PHC1: variants seen among roughly 807,000 people sequenced by gnomAD.
PHC1 encodes polyhomeotic homolog 1.
PHC1 carries 12 observed loss-of-function variants against 104.3 expected under a neutral mutation model. The observed-to-expected ratio is 0.12, with a 90% CI of 0.07 to 0.19. The LOEUF (loss-of-function observed/expected upper bound fraction) is 0.19. PHC1 is among the 10% of genes least tolerant of loss of function. The pLI, the probability that PHC1 is intolerant of heterozygous loss-of-function variation, is 1.00. For missense variants in PHC1, 671 were observed against 1,200.0 expected (o/e 0.56, Z 6.51); for synonymous variants, 302 against 455.8 (o/e 0.66, Z 4.30).
rs1259781394 is a variant in PHC1, at chr12:8,934,373, T to C, written c.2148T>C (p.Ser716=). 6.2e-7 allele frequency: 1 copy of C among 1,613,194 alleles called. No individual in the cohort carries two copies. The highest frequency in any genetic ancestry group is 8.5e-7 in the Non-Finnish European group (1 of 1,179,132). The change falls in exon 10 of 15, where the codon TCT becomes TCC. Residue 716 remains serine, a synonymous_variant. Coordinates refer to ENST00000544916, the MANE Select transcript of PHC1 (RefSeq NM_004426.3). ...SVPPPTLAMV[S]RQMGDSKPPQ... ...CGCCTCCTACACTAGCCATGGTGTCTAGACAAATGGGTGACTCAAAACCCC... is the reference window on the plus strand; with the variant it reads ...CGCCTCCTACACTAGCCATGGTGTCCAGACAAATGGGTGACTCAAAACCCC...
At chr12:8,931,917 T>A (rs1013046357) in intron 7 of PHC1, among the ~76,000 whole-genome samples, 1 of 152,196 alleles carries the variant, frequency 6.6e-6, no homozygotes, top group Non-Finnish European at 1.5e-5. Context: ...CATGCTTTGA[T>A]CTCTGGACAA....
At chr12:8,925,951 T>G (rs1945500708) in intron 6 of PHC1, among the ~76,000 whole-genome samples, 1 of 152,052 alleles carries the variant, frequency 6.6e-6, no homozygotes, top group Non-Finnish European at 1.5e-5. Flanking sequence ...GGGGTAGCAA[T>G]GGAGATGGAC....
chr12:8,917,331 A>G (rs1424777665), intron 1 of PHC1, among the ~76,000 whole-genome samples: 1 of 152,214 alleles, frequency 6.6e-6, no homozygotes, highest in Non-Finnish European at 1.5e-5. Flanking sequence ...ATGTAAGGTA[A>G]CTTTGGTATT....
In PHC1 at chr12:8,937,334, G is replaced by C. The variant is rs1023945701; in HGVS notation, c.2628+8G>C. The C allele has an allele frequency of 6.3e-7, 1 of 1,597,830 alleles. No individual in the cohort carries two copies. Among genetic ancestry groups the C allele is most frequent in the Non-Finnish European group, 8.5e-7 (1 of 1,172,798 alleles). On this transcript the variant is annotated splice_region_variant and intron_variant, in intron 13 of 14. Transcript: ENST00000544916. ...CAGGGCAAGTGCCACCGGGTGAGCT[G>C]CTTGTTGTAGAGCCAGATGCCTTTA...
chr12:8,917,538 T>C, intron 1 of PHC1, 92 bp from the exon 2 acceptor site: 1 of 486,926 alleles, frequency 2.1e-6, no homozygotes, highest in Non-Finnish European at 3.7e-6. Flanking sequence ...GATTCTTAGA[T>C]ACTTATGGAT....
intron 6 of PHC1, among the ~76,000 whole-genome samples, chr12:8,925,561 G>T (rs976859917): frequency 6.6e-6 from 1 of 152,138 alleles, no homozygotes; most frequent in Non-Finnish European, 1.5e-5. Flanking sequence ...ATAAGAATGT[G>T]GAAGGAGAGT....
chr12:8,915,693 A>ATT (rs55868126), intron 1 of PHC1: 2 of 152,052 alleles, frequency 1.3e-5, no homozygotes, highest in African/African-American at 2.4e-5. Flanking sequence ...TGTTGTCTCC[A>ATT]TTTTTTATAT....
chr12:8,939,281 A>G lies in PHC1; in HGVS notation c.2861-24A>G, dbSNP rs746603048. 3.1e-6 allele frequency: 5 copies of G among 1,614,024 alleles called. No homozygotes were observed. In the South Asian group the frequency reaches 3.3e-5, roughly 11 times the overall value. On this transcript the variant is annotated intron_variant, in intron 14 of 14. Transcript: ENST00000544916. Reference sequence around the variant, plus strand: ...CTTCTCCTATCATCTGGCATTACCTACATGTTCTCACCATTTCTTCTAGGC... The same window carrying G: ...CTTCTCCTATCATCTGGCATTACCTGCATGTTCTCACCATTTCTTCTAGGC...
rs1212367110 is a variant in PHC1, at chr12:8,920,949, T to A, written c.226-36T>A. 2.7e-6 allele frequency: 4 copies of A among 1,462,178 alleles called. No homozygotes were observed. In the African/African-American group the frequency reaches 5.6e-5, roughly 21 times the overall value. 90.6% of individuals were successfully genotyped at this position (1,462,178 alleles called of 1,614,324 possible). A position where few individuals can be genotyped will look rare whatever the true frequency, so the allele number is the denominator to read the frequency against. On this transcript the variant is annotated intron_variant, in intron 3 of 14. Transcript: ENST00000544916. Reference sequence around the variant, plus strand: ...AGACTGAGAGCTTTTTCCTTCACTGTCTTTGCTATTTCTTGTTTCCCTTCC... The same window carrying A: ...AGACTGAGAGCTTTTTCCTTCACTGACTTTGCTATTTCTTGTTTCCCTTCC...
chr12:8,923,278 T>C (rs1565514595), intron 6 of PHC1, among the ~76,000 whole-genome samples: 2 of 152,228 alleles, frequency 1.3e-5, no homozygotes, highest in African/African-American at 4.8e-5. Context: ...GTAAAGGTCT[T>C]CCTCACCATT....
chr12:8,917,496 A>G (rs886196796), intron 1 of PHC1, 134 bp from the exon 2 acceptor site: 4 of 440,680 alleles, frequency 9.1e-6, no homozygotes, highest in Non-Finnish European at 1.6e-5. Context: ...GAGTTTTAAG[A>G]TGAGAAATCA....
chr12:8,934,635 G>C (rs1592209619), intron 10 of PHC1, among the ~76,000 whole-genome samples, 157 bp downstream of exon 10: 1 of 152,194 alleles, frequency 6.6e-6, no homozygotes, highest in Non-Finnish European at 1.5e-5. Flanking sequence ...AGGGAAAAGA[G>C]TGTGTGGACC....
At chr12:8,922,407 G>C (rs1489845532) in intron 5 of PHC1, among the ~76,000 whole-genome samples, 1 of 151,970 alleles carries the variant, frequency 6.6e-6, no homozygotes, top group South Asian at 2.1e-4. Context: ...TTTCTTTGAC[G>C]TGTGACTCTT....
intron 14 of PHC1, 36 bp from the exon 15 acceptor site, chr12:8,939,269 C>G: frequency 6.2e-7 from 1 of 1,612,306 alleles, no homozygotes. Flanking sequence ...CTCCTATCAT[C>G]TGGCATTACC....
intron 14 of PHC1, 30 bp downstream of exon 14, chr12:8,938,090 G>T (rs1164117303): frequency 3.9e-6 from 6 of 1,531,410 alleles, no homozygotes; most frequent in Non-Finnish European, 5.4e-6. Flanking sequence ...CAGAACCCAG[G>T]TTGTTTTCCT....
intron 7 of PHC1, among the ~76,000 whole-genome samples, chr12:8,931,149 G>T (rs2137106999): frequency 6.6e-6 from 1 of 152,278 alleles, no homozygotes; most frequent in South Asian, 2.1e-4. Flanking sequence ...CCAGGCAGTA[G>T]TCAGCTTACA....
At chr12:8,938,207 T>A in intron 14 of PHC1, 147 bp downstream of exon 14, 1 of 608,584 alleles carries the variant, frequency 1.6e-6, no homozygotes, top group East Asian at 2.8e-5. Flanking sequence ...TCAAGTTGAC[T>A]TCCTAATTTT....
intron 2 of PHC1, among the ~76,000 whole-genome samples, chr12:8,918,892 A>ACC (rs1030702831): frequency 1.3e-5 from 2 of 152,072 alleles, no homozygotes; most frequent in African/African-American, 4.8e-5. Flanking sequence ...ACTTACACAC[A>ACC]CCCAGATTAT....
In PHC1 at chr12:8,930,902, G is replaced by C. The variant is rs757327886; in HGVS notation, c.1080G>C (p.Ala360=). The part of the protein sequence containing the change: ...GMNLTRTATP[A]PSQTLISSAT... ...ACCTGACACGGACAGCCACACCTGCGCCCAGCCAGACACTTATTAGCTCAG... is the reference window on the plus strand; with the variant it reads ...ACCTGACACGGACAGCCACACCTGCCCCCAGCCAGACACTTATTAGCTCAG... The change falls in exon 7 of 15, where the codon GCG becomes GCC. Residue 360 remains alanine, a synonymous_variant. Transcript: ENST00000544916. The C allele has an allele frequency of 6.2e-7, 1 of 1,603,112 alleles. No homozygotes were observed. The highest frequency in any genetic ancestry group is 1.7e-5 in the Admixed American group (1 of 59,364).
Sources: gnomAD v4.1 joint callset for allele counts (sites outside exome capture counted in the v4.1 genomes callset) on GRCh38, gnomAD v4.1.1 for gene constraint, MANE v1.5 for transcripts, NCBI Gene and HGNC (gene_info 2026-07-23, HGNC 2026-07-21) for gene names.